Variants in PTPRD observed in about 807,000 individuals in gnomAD.
PTPRD encodes protein tyrosine phosphatase receptor type D.
A neutral mutation model predicts 214.5 loss-of-function variants in PTPRD; 34 were observed. The observed-to-expected ratio is 0.16, with a 90% CI of 0.12 to 0.21. PTPRD has a LOEUF of 0.21. Ranked by LOEUF, PTPRD falls within the 10% of genes least tolerant of loss-of-function variation. PTPRD has a pLI of 1.00. For missense variants in PTPRD, 2,545 were observed against 2,398.7 expected (o/e 1.06, Z -1.27); for synonymous variants, 1,128 against 845.7 (o/e 1.33, Z -5.79).
chr9:8,966,588 C>T (rs1032035679), intron 11 of PTPRD, among the ~76,000 whole-genome samples: 1 of 151,944 alleles, frequency 6.6e-6, no homozygotes, highest in Non-Finnish European at 1.5e-5. Context: ...CCCCTATATA[C>T]TATATACAAA....
chr9:9,645,137 T>C (rs563424402), intron 7 of PTPRD, among the ~76,000 whole-genome samples: 152 of 152,340 alleles, frequency 1.0e-3, no homozygotes, highest in Admixed American at 2.7e-3. Flanking sequence ...CCCTGGCTCC[T>C]GCACCTGCTC....
intron 3 of PTPRD, among the ~76,000 whole-genome samples, chr9:10,234,235 A>T (rs1022476870): frequency 6.6e-6 from 1 of 151,744 alleles, no homozygotes; most frequent in African/African-American, 2.4e-5. Flanking sequence ...TTAATAAAAA[A>T]TAAATAAAAT....
chr9:10,303,293 C>A (rs1270708700), intron 3 of PTPRD, among the ~76,000 whole-genome samples: 2 of 151,834 alleles, frequency 1.3e-5, no homozygotes, highest in African/African-American at 4.8e-5. Context: ...CACTAAATAC[C>A]CACAGGAGAA....
intron 4 of PTPRD, among the ~76,000 whole-genome samples, chr9:9,997,285 AT>A (rs60029845): frequency 0.08 from 11,474 of 143,242 alleles, 504 homozygotes; most frequent in East Asian, 0.1. Context: ...AAGATAAGCA[AT>A]TTTTTTTTTT....
chr9:8,740,495 G>A (rs2091643816), intron 11 of PTPRD, among the ~76,000 whole-genome samples: 1 of 152,238 alleles, frequency 6.6e-6, no homozygotes, highest in Middle Eastern at 3.4e-3. Flanking sequence ...GGCACCAAAA[G>A]CTTTAATGTC....
intron 8 of PTPRD, among the ~76,000 whole-genome samples, chr9:9,472,404 C>A (rs1034865298): frequency 2.0e-5 from 3 of 151,690 alleles, no homozygotes; most frequent in African/African-American, 7.3e-5. Flanking sequence ...GGGGTTTCAC[C>A]TTGTTAGCCA....
At chr9:8,957,325 G>A (rs957103240) in intron 11 of PTPRD, among the ~76,000 whole-genome samples, 1 of 151,782 alleles carries the variant, frequency 6.6e-6, no homozygotes, top group African/African-American at 2.4e-5. Context: ...CTGGCTTAGA[G>A]TTTCTTTCCA....
intron 3 of PTPRD, among the ~76,000 whole-genome samples, chr9:10,174,931 T>C (rs937898091): frequency 2.6e-5 from 4 of 152,228 alleles, no homozygotes; most frequent in Admixed American, 1.3e-4. Context: ...GTAAAATTAG[T>C]AAAAATGAAT....
At chr9:9,798,141 A>C (rs1223124736) in intron 5 of PTPRD, among the ~76,000 whole-genome samples, 1 of 152,168 alleles carries the variant, frequency 6.6e-6, no homozygotes, top group Non-Finnish European at 1.5e-5. Context: ...TCTGATAATC[A>C]TAAATTTTAA....
At chr9:10,512,509 T>G (rs763737030) in intron 2 of PTPRD, among the ~76,000 whole-genome samples, 1 of 151,882 alleles carries the variant, frequency 6.6e-6, no homozygotes, top group Admixed American at 6.6e-5. Context: ...CGGTGGTGGG[T>G]TGGGGGGAAT....
At chr9:9,271,398 C>A (rs1331327428) in intron 9 of PTPRD, among the ~76,000 whole-genome samples, 1 of 151,206 alleles carries the variant, frequency 6.6e-6, no homozygotes, top group Non-Finnish European at 1.5e-5. Context: ...TCAGATCAGA[C>A]CAGTTATAAC....
At chr9:8,617,000 C>T (rs1042166018) in intron 14 of PTPRD, among the ~76,000 whole-genome samples, 3 of 152,178 alleles carry the variant, frequency 2.0e-5, no homozygotes, top group South Asian at 2.1e-4. Context: ...GGCATTTATT[C>T]GAACACCCCT....
At chr9:8,845,281 G>C (rs537043317) in intron 11 of PTPRD, among the ~76,000 whole-genome samples, 1 of 152,288 alleles carries the variant, frequency 6.6e-6, no homozygotes, top group South Asian at 2.1e-4. Context: ...GTTGTCAAGA[G>C]GTTATCTCCT....
chr9:8,424,067 G>A (rs1405582675), intron 35 of PTPRD, among the ~76,000 whole-genome samples: 1 of 152,052 alleles, frequency 6.6e-6, no homozygotes, highest in Non-Finnish European at 1.5e-5. Flanking sequence ...GGGTGGCTGG[G>A]TATAAAGGTT....
chr9:9,787,772 TTTATTATTATTA>T (rs373362978), intron 5 of PTPRD, among the ~76,000 whole-genome samples: 1 of 149,082 alleles, frequency 6.7e-6, no homozygotes, highest in Non-Finnish European at 1.5e-5. Flanking sequence ...CAATTTTTTA[TTTATTATTATTA>T]TTATTATTAT....
At chr9:9,941,530 C>A (rs902380700) in intron 4 of PTPRD, among the ~76,000 whole-genome samples, 33 of 152,140 alleles carry the variant, frequency 2.2e-4, no homozygotes, top group African/African-American at 8.0e-4. Flanking sequence ...GCCGTATTGG[C>A]CAGGCTGTTC....
chr9:10,570,743 T>C (rs1373284316), intron 2 of PTPRD, among the ~76,000 whole-genome samples: 1 of 152,192 alleles, frequency 6.6e-6, no homozygotes, highest in African/African-American at 2.4e-5. Context: ...GACATTTATA[T>C]GGTTACACTA....
At chr9:9,166,732 T>G (rs1224884961) in intron 10 of PTPRD, among the ~76,000 whole-genome samples, 4 of 152,136 alleles carry the variant, frequency 2.6e-5, no homozygotes, top group Admixed American at 1.3e-4. Context: ...TAAAAACACC[T>G]TGGAGTTTGT....
chr9:10,223,319 C>T (rs564654876), intron 3 of PTPRD, among the ~76,000 whole-genome samples: 1 of 151,958 alleles, frequency 6.6e-6, no homozygotes, highest in South Asian at 2.1e-4. Flanking sequence ...TGGCACTAAA[C>T]TAAGACTAGA....
Sources: allele counts gnomAD v4.1 joint callset (sites outside exome capture counted in the v4.1 genomes callset), GRCh38; gene constraint gnomAD v4.1.1; transcripts MANE v1.5; gene names NCBI Gene and HGNC (gene_info 2026-07-23, HGNC 2026-07-21).